The following MAGEA9 variants were observed in gnomAD, a reference collection of about 807,000 sequenced individuals.
MAGEA9 encodes MAGE family member A9.
rs1353978750 is a variant in MAGEA9, at chrX:149,782,872, G to C, written c.-222+877G>C. Among the ~76,000 whole-genome samples, 176 of 22,846 alleles carry C rather than the reference G, an allele frequency of 7.7e-3. 6 individuals are homozygous for C. Among genetic ancestry groups the C allele is most frequent in the African/African-American group, 0.044 (163 of 3,695 alleles). 19.8% of individuals were successfully genotyped at this position (22,846 alleles called of 115,157 possible). ...CCCAAGTCTCCCGTGGCAGAATCCG[G>C]TTCGGCTCCTGCTGTCAACCCAGGG... On this transcript the variant is annotated intron_variant, in intron 1 of 3. Transcript: ENST00000243314.
intron 1 of MAGEA9, among the ~76,000 whole-genome samples, chrX:149,782,686 T>G (rs1602960340): frequency 5.0e-4 from 1 of 2,015 alleles, no homozygotes; most frequent in African/African-American, 3.9e-3. Flanking sequence ...CCCCGCGGGG[T>G]CGGGCGTATC....
At chrX:149,784,596 T>TG (rs2090524909) in intron 1 of MAGEA9, among the ~76,000 whole-genome samples, 1 of 102,812 alleles carries the variant, frequency 9.7e-6, no homozygotes, top group African/African-American at 3.7e-5. Context: ...TTCTTAGATC[T>TG]GGGGGCGGGG....
In MAGEA9 at chrX:149,786,840, CA is replaced by C; in HGVS notation, c.633del (p.Asp212ThrfsTer13). Reference protein sequence around the residue: ...LIIVLGVILTKDNCAPEEVIW... With the variant: ...LIIVLGVILTXDNCAPEEVIW... ...TCATTGTCCTGGGTGTGATCCTAAC[CA>C]AAGACAACTGCGCCCCTGAAGAGGT... is the stretch of plus-strand genomic sequence containing the variant. On this transcript the variant is annotated frameshift_variant, in exon 4 of 4. Transcript: ENST00000243314. LOFTEE classifies it high-confidence loss of function. The C allele has an allele frequency of 6.5e-6, 1 of 153,820 alleles. No individual in the cohort carries two copies. Among genetic ancestry groups the C allele is most frequent in the South Asian group, 6.5e-5 (1 of 15,342 alleles). 12.7% of individuals were successfully genotyped at this position (153,820 alleles called of 1,213,427 possible).
At chrX:149,782,635 C>A (rs2090518067) in intron 1 of MAGEA9, among the ~76,000 whole-genome samples, 1 of 4,546 alleles carries the variant, frequency 2.2e-4, no homozygotes, top group Non-Finnish European at 3.5e-4. Flanking sequence ...GATAGAGGAC[C>A]CCAAATAATA....
chrX:149,784,697 TA>T (rs2090525953), intron 1 of MAGEA9, among the ~76,000 whole-genome samples: 1 of 112,188 alleles, frequency 8.9e-6, no homozygotes, highest in East Asian at 2.9e-4. Flanking sequence ...GGCGTTGGTG[TA>T]AAGGGAGATG....
intron 1 of MAGEA9, among the ~76,000 whole-genome samples, chrX:149,784,606 G>GT (rs1473541726): frequency 3.6e-5 from 4 of 112,461 alleles, no homozygotes; most frequent in Non-Finnish European, 7.5e-5. Context: ...TGGGGGCGGG[G>GT]GGGGGCCTGA....
intron 1 of MAGEA9, among the ~76,000 whole-genome samples, chrX:149,782,695 T>G (rs868954870): frequency 1.9e-3 from 8 of 4,142 alleles, no homozygotes; most frequent in African/African-American, 0.012. Context: ...GTCGGGCGTA[T>G]CAGGCTGGGC....
chrX:149,784,430 CA>C (rs2090524094), intron 1 of MAGEA9, among the ~76,000 whole-genome samples: 1 of 75,953 alleles, frequency 1.3e-5, no homozygotes, highest in Non-Finnish European at 2.6e-5. Context: ...ACCTTGATCC[CA>C]GGGGGCACTG....
chrX:149,782,613 C>T (rs1310434959), intron 1 of MAGEA9, among the ~76,000 whole-genome samples: 1 of 5,359 alleles, frequency 1.9e-4, no homozygotes, highest in Non-Finnish European at 3.0e-4. Context: ...GGACTCAAGA[C>T]CCCCCGCCCC....
Position 149,787,576 on chromosome X carries a change from TAGC to T in MAGEA9, c.*423_*425del, listed in dbSNP as rs1318778279. The T allele has an allele frequency of 9.6e-5, 5 of 52,029 alleles. No individual in the cohort carries two copies. Among genetic ancestry groups the T allele is most frequent in the Admixed American group, 3.3e-4 (1 of 3,021 alleles). The allele number at this position is 52,029 out of a possible 1,213,427, so 4.3% of individuals were successfully genotyped here. ...TAATAATTTTTTTGAAACTTGAACTTAGCAGCAAAATAGAGCTCATAAAGAAAT... is the reference window on the plus strand; with the variant it reads ...TAATAATTTTTTTGAAACTTGAACTTAGCAAAATAGAGCTCATAAAGAAAT... On this transcript the variant is annotated 3_prime_UTR_variant, in exon 4 of 4. Transcript: ENST00000243314.
At chrX:149,784,602 C>CG (rs1258242653) in intron 1 of MAGEA9, among the ~76,000 whole-genome samples, 3,479 of 103,399 alleles carry the variant, frequency 0.034, 10 homozygotes, top group African/African-American at 0.063. Flanking sequence ...GATCTGGGGG[C>CG]GGGGGGGGGC....
intron 1 of MAGEA9, among the ~76,000 whole-genome samples, chrX:149,784,605 G>GT (rs1169988508): frequency 8.9e-6 from 1 of 112,456 alleles, no homozygotes; most frequent in African/African-American, 3.2e-5. Flanking sequence ...CTGGGGGCGG[G>GT]GGGGGGCCTG....
intron 1 of MAGEA9, among the ~76,000 whole-genome samples, chrX:149,782,813 T>C (rs1602960505): frequency 7.7e-5 from 2 of 25,848 alleles, no homozygotes; most frequent in African/African-American, 2.1e-4. Flanking sequence ...GTTCCCCACC[T>C]CCATCCTCAC....
At chrX:149,784,610 G>T (rs1485663600) in intron 1 of MAGEA9, among the ~76,000 whole-genome samples, 2 of 112,341 alleles carry the variant, frequency 1.8e-5, no homozygotes, top group African/African-American at 3.2e-5. Flanking sequence ...GGCGGGGGGG[G>T]GCCTGATCAA....
intron 1 of MAGEA9, among the ~76,000 whole-genome samples, chrX:149,784,562 C>T (rs1390271516): frequency 1.9e-5 from 2 of 104,038 alleles, no homozygotes; most frequent in African/African-American, 3.5e-5. Context: ...AAGAAGCCAC[C>T]CCACAGAGTC....
intron 1 of MAGEA9, among the ~76,000 whole-genome samples, chrX:149,784,602 C>CGG (rs1258242653): frequency 1.6e-4 from 17 of 107,550 alleles, no homozygotes; most frequent in South Asian, 8.5e-4. Flanking sequence ...GATCTGGGGG[C>CGG]GGGGGGGGGC....
chrX:149,782,562 G>A (rs1256374983), intron 1 of MAGEA9, among the ~76,000 whole-genome samples: 1 of 6,150 alleles, frequency 1.6e-4, no homozygotes, highest in Non-Finnish European at 2.8e-4. Context: ...GAGGGAAGCG[G>A]GCCCAGGCTC....
At chrX:149,782,798 C>T (rs1428211932) in intron 1 of MAGEA9, among the ~76,000 whole-genome samples, 1 of 30,974 alleles carries the variant, frequency 3.2e-5, no homozygotes, top group East Asian at 2.1e-3. Context: ...GACCTACAGC[C>T]TCAGGTTCCC....
In MAGEA9 at chrX:149,787,645, TTCTC is replaced by T. The variant is rs1194398033; in HGVS notation, c.*492_*495del. Reference sequence around the variant, plus strand: ...TAGTTAATTCTTGCCTTATACCTCTTTCTCTCTCCTGTAAAATTAAAACATATAC... The same window carrying T: ...TAGTTAATTCTTGCCTTATACCTCTTTCTCCTGTAAAATTAAAACATATAC... On this transcript the variant is annotated 3_prime_UTR_variant, in exon 4 of 4. Coordinates refer to ENST00000243314, the MANE Select transcript of MAGEA9 (RefSeq NM_005365.5). The T allele has an allele frequency of 1.7e-5, 1 of 58,429 alleles. No homozygotes were observed. Among genetic ancestry groups the T allele is most frequent in the Non-Finnish European group, 4.3e-5 (1 of 23,129 alleles). 4.8% of individuals were successfully genotyped at this position (58,429 alleles called of 1,213,427 possible).
Sources: allele counts gnomAD v4.1 joint callset (sites outside exome capture counted in the v4.1 genomes callset), GRCh38; gene constraint gnomAD v4.1.1; transcripts MANE v1.5; gene names NCBI Gene and HGNC (gene_info 2026-07-23, HGNC 2026-07-21).